Variants in TBC1D22A observed in about 807,000 individuals in gnomAD.
TBC1D22A encodes putative GTPase activator.
Under a neutral mutation model 60.2 loss-of-function variants are expected in TBC1D22A, and 38 were observed. The ratio of observed to expected loss-of-function variants is 0.63; its 90% CI spans 0.49 to 0.83. The LOEUF is 0.83. Ranked by LOEUF, TBC1D22A falls within the 40% of genes least tolerant of loss-of-function variation. TBC1D22A has a pLI of 0.00. For missense variants in TBC1D22A, 628 were observed against 701.0 expected, an observed-to-expected ratio of 0.90 and a Z score of 1.18; for synonymous variants, 302 against 281.7, an observed-to-expected ratio of 1.07 and a Z score of -0.72.
intron 5 of TBC1D22A, 70 bp downstream of exon 5, chr22:46,878,793 T>A: frequency 2.0e-6 from 3 of 1,494,008 alleles, no homozygotes; most frequent in Non-Finnish European, 2.8e-6. Context: ...CTGGCCTGAG[T>A]AGGGCCTGAC....
intron 8 of TBC1D22A, among the ~76,000 whole-genome samples, chr22:46,958,599 G>C (rs1329181772): frequency 2.6e-5 from 4 of 152,218 alleles, no homozygotes; most frequent in African/African-American, 9.6e-5. Flanking sequence ...TGTCTACTTG[G>C]CACAAGGATT....
intron 4 of TBC1D22A, among the ~76,000 whole-genome samples, chr22:46,823,248 C>T (rs969309030): frequency 6.6e-6 from 1 of 152,168 alleles, no homozygotes; most frequent in African/African-American, 2.4e-5. Context: ...CATGGTGACC[C>T]ACAGCCTTAC....
At chr22:47,127,476 C>T (rs1008861541) in intron 12 of TBC1D22A, among the ~76,000 whole-genome samples, 13 of 151,756 alleles carry the variant, frequency 8.6e-5, no homozygotes, top group Admixed American at 2.6e-4. Flanking sequence ...CCACCCACCC[C>T]GGCTTCCCCA....
intron 10 of TBC1D22A, among the ~76,000 whole-genome samples, chr22:47,020,852 AGG>A (rs2148337551): frequency 6.8e-6 from 1 of 146,848 alleles, no homozygotes; most frequent in South Asian, 2.1e-4. Context: ...ATATAATTAC[AGG>A]ATTATATAAT....
At chr22:46,791,797 G>A (rs1477382149) in intron 1 of TBC1D22A, among the ~76,000 whole-genome samples, 2 of 152,196 alleles carry the variant, frequency 1.3e-5, no homozygotes, top group African/African-American at 4.8e-5. Flanking sequence ...GTCTTGCTCT[G>A]TCACCCAGGC....
intron 11 of TBC1D22A, among the ~76,000 whole-genome samples, chr22:47,090,518 G>A (rs2064878783): frequency 6.6e-6 from 1 of 152,210 alleles, no homozygotes; most frequent in African/African-American, 2.4e-5. Flanking sequence ...TTTAGAAAAT[G>A]AGCACCTGTG....
chr22:47,130,663 A>G (rs1055557513), intron 12 of TBC1D22A, among the ~76,000 whole-genome samples: 1 of 152,118 alleles, frequency 6.6e-6, no homozygotes. Context: ...TGTGGTGGTG[A>G]CATGTCTTTT....
chr22:46,795,274 G>C (rs1484611180), intron 3 of TBC1D22A, among the ~76,000 whole-genome samples: 1 of 152,218 alleles, frequency 6.6e-6, no homozygotes, highest in African/African-American at 2.4e-5. Flanking sequence ...GGCTTCATCT[G>C]CTCATGGGTG....
chr22:46,971,683 C>T (rs1427123817), intron 8 of TBC1D22A, among the ~76,000 whole-genome samples: 3 of 152,226 alleles, frequency 2.0e-5, no homozygotes, highest in Admixed American at 2.0e-4. Flanking sequence ...CTGTCCTGCT[C>T]ACTCCCACCA....
chr22:47,022,784 G>A (rs1222528925), intron 10 of TBC1D22A, among the ~76,000 whole-genome samples: 2 of 152,158 alleles, frequency 1.3e-5, no homozygotes, highest in Non-Finnish European at 2.9e-5. Context: ...GGACTTAGAA[G>A]GGTTTTCCTT....
intron 8 of TBC1D22A, among the ~76,000 whole-genome samples, chr22:46,934,373 G>A (rs770266969): frequency 6.6e-6 from 1 of 152,194 alleles, no homozygotes; most frequent in Non-Finnish European, 1.5e-5. Flanking sequence ...TGTGTGGTAC[G>A]CGTGGGCACG....
intron 4 of TBC1D22A, among the ~76,000 whole-genome samples, chr22:46,836,253 CTG>C (rs1429180230): frequency 6.6e-6 from 1 of 152,170 alleles, no homozygotes; most frequent in African/African-American, 2.4e-5. Flanking sequence ...ATTAAAATAA[CTG>C]TAGCTACAAC....
intron 8 of TBC1D22A, among the ~76,000 whole-genome samples, chr22:46,970,819 C>T (rs2074017729): frequency 6.6e-6 from 1 of 152,182 alleles, no homozygotes; most frequent in Non-Finnish European, 1.5e-5. Flanking sequence ...GCTGATCTTG[C>T]CTGCAGTTCC....
chr22:47,003,160 T>A (rs2061451778), intron 10 of TBC1D22A, among the ~76,000 whole-genome samples: 1 of 152,118 alleles, frequency 6.6e-6, no homozygotes, highest in East Asian at 1.9e-4. Flanking sequence ...GTGAACAATT[T>A]TTTAATATAA....
At chr22:46,893,717 C>T (rs866099795) in intron 6 of TBC1D22A, among the ~76,000 whole-genome samples, 1 of 152,252 alleles carries the variant, frequency 6.6e-6, no homozygotes, top group Admixed American at 6.5e-5. Context: ...GGGCCAGCTT[C>T]AGTCCTTTGG....
intron 8 of TBC1D22A, among the ~76,000 whole-genome samples, chr22:46,920,057 T>TTGTTTGTA (rs1555949342): frequency 8.5e-5 from 5 of 59,158 alleles, no homozygotes; most frequent in East Asian, 1.4e-3. Context: ...ATGTGTTTGT[T>TTGTTTGTA]TGTATGTATG....
chr22:46,960,266 CTT>C (rs897986641), intron 8 of TBC1D22A, among the ~76,000 whole-genome samples: 1 of 146,006 alleles, frequency 6.8e-6, no homozygotes. Context: ...TTGGACTCAT[CTT>C]TTTTTTTTTT....
intron 12 of TBC1D22A, among the ~76,000 whole-genome samples, chr22:47,112,860 C>T (rs1021580795): frequency 6.6e-6 from 1 of 152,234 alleles, no homozygotes; most frequent in Admixed American, 6.5e-5. Context: ...CTGGCCTGCC[C>T]CTCCGCCCGG....
At chr22:47,149,427 A>C (rs2067416271) in intron 12 of TBC1D22A, among the ~76,000 whole-genome samples, 1 of 152,268 alleles carries the variant, frequency 6.6e-6, no homozygotes, top group Admixed American at 6.5e-5. Flanking sequence ...CTGCATTGTT[A>C]GTTCTTCCAA....
Sources: allele counts gnomAD v4.1 joint callset (sites outside exome capture counted in the v4.1 genomes callset), GRCh38; gene constraint gnomAD v4.1.1; transcripts MANE v1.5; gene names NCBI Gene and HGNC (gene_info 2026-07-23, HGNC 2026-07-21).